The following IL4 variants were observed in gnomAD, a reference collection of about 807,000 sequenced individuals.
The protein encoded by IL4 is interleukin-4.
In IL4, 10 loss-of-function variants were observed where a neutral mutation model predicts 17.4. The observed-to-expected ratio is 0.57, with a 90% CI of 0.35 to 0.97. The LOEUF is 0.97. IL4 is among the 50% of genes least tolerant of loss of function. The pLI is 0.01. For missense variants in IL4, 174 were observed against 187.7 expected (o/e 0.93, Z 0.43); for synonymous variants, 87 against 79.0 (o/e 1.10, Z -0.54).
At chr5:132,677,065 A>C (rs1752394898) in intron 2 of IL4, among the ~76,000 whole-genome samples, 1 of 152,262 alleles carries the variant, frequency 6.6e-6, no homozygotes, top group African/African-American at 2.4e-5. Context: ...GCTAAAGTTC[A>C]TAATTCTACA....
In IL4 at chr5:132,682,497, T is replaced by C. The variant is rs200479203; in HGVS notation, c.372T>C (p.Pro124=). The C allele has an allele frequency of 1.9e-5, 30 of 1,600,270 alleles. No individual in the cohort carries two copies. The highest frequency in any genetic ancestry group is 2.6e-5 in the Non-Finnish European group (30 of 1,168,016). The change falls in exon 4 of 4, where the codon CCT becomes CCC. Residue 124 remains proline, a synonymous_variant. Transcript: ENST00000231449. ...TGTTTCTTTTGCAGAATTCCTGTCC[T>C]GTGAAGGAAGCCAACCAGAGTACGT... ...LWGLAGLNSC[P]VKEANQSTLE...
rs1245723965 is a variant in IL4, at chr5:132,674,496, C to T, written c.173C>T (p.Ala58Val). 6.2e-7 allele frequency: 1 copy of T among 1,613,930 alleles called. No individual in the cohort carries two copies. ...GAGTTGACCGTAACAGACATCTTTGCTGCCTCCAAGGTAAGAAGCCGTCCC... is the reference window on the plus strand; with the variant it reads ...GAGTTGACCGTAACAGACATCTTTGTTGCCTCCAAGGTAAGAAGCCGTCCC... ...CTELTVTDIF[A>V]ASKNTTEKET... The change falls in exon 2 of 4, where the codon GCT becomes GTT. Residue 58 changes from alanine to valine, a missense_variant. Physicochemically the swap from Ala to Val is moderately conservative, Grantham distance 64. Transcript: ENST00000231449.
chr5:132,678,771 C>CT (rs754817110), intron 2 of IL4, among the ~76,000 whole-genome samples: 2 of 152,184 alleles, frequency 1.3e-5, no homozygotes, highest in Non-Finnish European at 2.9e-5. Context: ...TGGGCTCAAG[C>CT]TAAGAACCCT....
In IL4 at chr5:132,680,106, CATGGAATGTTCTA is replaced by C. The variant is rs1316120357; in HGVS notation, c.360+221_360+233del. Among the ~76,000 whole-genome samples the C allele has an allele frequency of 6.6e-6, 1 of 152,168 alleles. No individual in the cohort carries two copies. Among genetic ancestry groups the C allele is most frequent in the East Asian group, 1.9e-4 (1 of 5,198 alleles). On this transcript the variant is annotated intron_variant, in intron 3 of 3. Transcript: ENST00000231449. This position sits in a 1 kb window ranked among gnomAD's most constrained non-coding sequence, Gnocchi z 4.3. Reference sequence around the variant, plus strand: ...GACACGCAGGCCGAGTCCCTGTTCTCATGGAATGTTCTAATGGGAGAGTTAGAAAAACAAACAT... The same window carrying C: ...GACACGCAGGCCGAGTCCCTGTTCTCATGGGAGAGTTAGAAAAACAAACAT...
At chr5:132,675,387 G>A (rs1477230187) in intron 2 of IL4, among the ~76,000 whole-genome samples, 1 of 152,118 alleles carries the variant, frequency 6.6e-6, no homozygotes, top group Non-Finnish European at 1.5e-5. Flanking sequence ...CAGGAGTGAA[G>A]CCCTGTGTGT....
chr5:132,674,147 G>C lies in IL4; in HGVS notation c.97G>C (p.Glu33Gln). 5 of 1,614,156 alleles carry C rather than the reference G, an allele frequency of 3.1e-6. No individual in the cohort carries two copies. The highest frequency in any genetic ancestry group is 1.3e-5 in the African/African-American group (1 of 75,038). ...ACACAAGTGCGATATCACCTTACAG[G>C]AGATCATCAAAACTTTGAACAGCCT... ...HGHKCDITLQ[E>Q]IIKTLNSLTE... Residue 33 changes from glutamate (E) to glutamine (Q), a missense_variant, in exon 1 of 4, where the codon GAG becomes CAG. Physicochemically the swap from Glu to Gln is conservative, Grantham distance 29 (BLOSUM62 2). Transcript: ENST00000231449.
intron 2 of IL4, 116 bp from the exon 3 acceptor site, chr5:132,679,598 T>C: frequency 1.1e-6 from 1 of 882,500 alleles, no homozygotes; most frequent in Non-Finnish European, 1.8e-6. Flanking sequence ...AGGTCTGTAG[T>C]TGAGCAAACT....
At chr5:132,677,187 G>A (rs1213858858) in intron 2 of IL4, among the ~76,000 whole-genome samples, 1 of 152,186 alleles carries the variant, frequency 6.6e-6, no homozygotes, top group Admixed American at 6.5e-5. Flanking sequence ...AGTGCCAATC[G>A]GGCTGGATTT....
chr5:132,678,874 A>G (rs1752432455), intron 2 of IL4, among the ~76,000 whole-genome samples: 2 of 152,240 alleles, frequency 1.3e-5, no homozygotes, highest in South Asian at 4.1e-4. Flanking sequence ...CTGGGTTCCC[A>G]ATGACTTGTC....
At chr5:132,682,197 C>T (rs1328113884) in intron 3 of IL4, among the ~76,000 whole-genome samples, 2 of 152,118 alleles carry the variant, frequency 1.3e-5, no homozygotes, top group Non-Finnish European at 2.9e-5. Context: ...TGAGCAAGCA[C>T]CTAGCTGTGA....
intron 2 of IL4, among the ~76,000 whole-genome samples, chr5:132,676,387 CG>C (rs1752384492): frequency 6.6e-6 from 1 of 152,070 alleles, no homozygotes; most frequent in African/African-American, 2.4e-5. Context: ...AGGAGGGGAC[CG>C]GGTTGGAAAG....
In IL4 at chr5:132,681,147, T is replaced by C. The variant is rs148487874; in HGVS notation, c.360+1257T>C. ...AGGAGAGTCCTTAGATAGATACTGC[T>C]GAAAATCTGAATGACAGAAAGGGAG... On this transcript the variant is annotated intron_variant, in intron 3 of 3. Transcript: ENST00000231449. Among the ~76,000 whole-genome samples the C allele has an allele frequency of 7.9e-5, 12 of 152,244 alleles. No individual in the cohort carries two copies. In the East Asian group the frequency reaches 2.3e-3, roughly 29 times the overall value.
chr5:132,676,478 A>ACTG (rs1414591483), intron 2 of IL4, among the ~76,000 whole-genome samples: 1 of 151,988 alleles, frequency 6.6e-6, no homozygotes, highest in Non-Finnish European at 1.5e-5. Context: ...AGGCCAGGAC[A>ACTG]CTGCTGCCCT....
At chr5:132,675,133 C>T (rs1390647195) in intron 2 of IL4, among the ~76,000 whole-genome samples, 2 of 152,316 alleles carry the variant, frequency 1.3e-5, no homozygotes, top group Non-Finnish European at 2.9e-5. Flanking sequence ...CTGGGCACCT[C>T]GCCTCTCTGC....
At position 132,682,550 on chromosome 5, in the gene IL4, C is replaced by T. The variant is rs145068648; in HGVS notation, c.425C>T (p.Thr142Met). ...GAAAACTTCTTGGAAAGGCTAAAGA[C>T]GATCATGAGAGAGAAATATTCAAAG... Reference protein sequence around the residue: ...TLENFLERLKTIMREKYSKCS... With the variant: ...TLENFLERLKMIMREKYSKCS... Residue 142 changes from threonine (T) to methionine (M), a missense_variant, in exon 4 of 4, where the codon ACG becomes ATG. Transcript: ENST00000231449. 32 of 1,609,238 alleles carry T rather than the reference C, an allele frequency of 2.0e-5. No individual in the cohort carries two copies. In the East Asian group the frequency reaches 2.9e-4, roughly 15 times the overall value.
chr5:132,675,552 CT>C (rs34015525), intron 2 of IL4, among the ~76,000 whole-genome samples: 2,131 of 145,022 alleles, frequency 0.015, 126 homozygotes, highest in Admixed American at 0.11. Context: ...CAAATACACA[CT>C]TTTTTTTTTT....
Position 132,679,712 on chromosome 5 carries a change from A to G in IL4, c.184-2A>G, listed in dbSNP as rs200667292. Reference sequence around the variant, plus strand: ...TGCTATCTGTGGCATTTGTCTTTCCAGAACACAACTGAGAAGGAAACCTTC... The same window carrying G: ...TGCTATCTGTGGCATTTGTCTTTCCGGAACACAACTGAGAAGGAAACCTTC... On this transcript the variant is annotated splice_acceptor_variant, in intron 2 of 3. Coordinates refer to ENST00000231449, the MANE Select transcript of IL4 (RefSeq NM_000589.4). LOFTEE classifies it high-confidence loss of function. 3 of 1,609,324 alleles carry G rather than the reference A, an allele frequency of 1.9e-6. No individual in the cohort carries two copies. The highest frequency in any genetic ancestry group is 2.5e-6 in the Non-Finnish European group (3 of 1,177,544).
intron 2 of IL4, 116 bp from the exon 3 acceptor site, chr5:132,679,598 T>A: frequency 1.1e-6 from 1 of 882,500 alleles, no homozygotes; most frequent in Non-Finnish European, 1.8e-6. Flanking sequence ...AGGTCTGTAG[T>A]TGAGCAAACT....
Position 132,675,020 on chromosome 5 carries a change from C to T in IL4, c.183+514C>T, listed in dbSNP as rs533137900. ...CAGCCCTCTGGGTTCCGGGGCTGGC[C>T]GTCCAGAGCTCCTCAGCTTGCTCTG... is the stretch of plus-strand genomic sequence containing the variant. On this transcript the variant is annotated intron_variant, in intron 2 of 3. Transcript: ENST00000231449. 1.4e-3 allele frequency among the ~76,000 whole-genome samples: 215 copies of T among 152,256 alleles called. 2 individuals carry two copies. The highest frequency in any genetic ancestry group is 5.0e-3 in the African/African-American group (206 of 41,566).
Sources: gnomAD v4.1 joint callset for allele counts (sites outside exome capture counted in the v4.1 genomes callset) on GRCh38, gnomAD v4.1.1 for gene constraint, Gnocchi (gnomAD v3.1) non-coding constraint, MANE v1.5 for transcripts, NCBI Gene and HGNC (gene_info 2026-07-23, HGNC 2026-07-21) for gene names.